The following RNF152 variants were observed in gnomAD, a reference collection of about 807,000 sequenced individuals.
RNF152 encodes the protein E3 ubiquitin-protein ligase RNF152.
In RNF152, 11 loss-of-function variants were observed where a neutral mutation model predicts 12.7. The ratio of observed to expected loss-of-function variants is 0.86; its 90% CI spans 0.54 to 1.43. The LOEUF is 1.43. Ranked by LOEUF, RNF152 falls within the 40% of genes most tolerant of loss-of-function variation. The pLI is 0.00. For missense variants in RNF152, 255 were observed against 274.8 expected (o/e 0.93, Z 0.51); for synonymous variants, 113 against 120.3 (o/e 0.94, Z 0.40).
At chr18:61,833,662 A>C (rs1910052914) in intron 1 of RNF152, among the ~76,000 whole-genome samples, 1 of 152,238 alleles carries the variant, frequency 6.6e-6, no homozygotes, top group African/African-American at 2.4e-5. Context: ...GCTGATGGGA[A>C]ACATTACAAG....
rs538885451 is a variant in RNF152, at chr18:61,821,749, C to G, written c.-135-5151G>C. Among the ~76,000 whole-genome samples, 5 of 152,318 alleles carry G rather than the reference C, an allele frequency of 3.3e-5. No homozygotes were observed. The East Asian group carries it at 9.6e-4, about 29-fold the overall frequency. On this transcript the variant is annotated intron_variant, in intron 1 of 1. Transcript: ENST00000312828. The stretch of plus-strand genomic sequence containing the variant: ...CAGACAATTACCGCCTGAGCTCCAC[C>G]TCCCGTCAGATCAGCGATGGCATTA...
rs905827872 is a variant in RNF152 at position 61,811,413 on chromosome 18, AT to A, written c.*4438del. 10 of 152,186 alleles carry A rather than the reference AT, an allele frequency of 6.6e-5. 1 individual carries two copies. Among genetic ancestry groups the A allele is most frequent in the Admixed American group, 6.5e-4 (10 of 15,276 alleles). 9.4% of individuals were successfully genotyped at this position (152,186 alleles called of 1,614,324 possible). ...CAAGTCTTTAAATTTCATGGGCAGT[AT>A]TTTTTACTGTTAAAAAAAGTGCTTT... On this transcript the variant is annotated 3_prime_UTR_variant, in exon 2 of 2. Transcript: ENST00000312828.
At chr18:61,861,000 T>A (rs1911451713) in intron 1 of RNF152, among the ~76,000 whole-genome samples, 1 of 152,232 alleles carries the variant, frequency 6.6e-6, no homozygotes, top group South Asian at 2.1e-4. Flanking sequence ...TTGTATAATA[T>A]TTGTGATTTA....
chr18:61,885,634 T>C (rs1028275992), intron 1 of RNF152, among the ~76,000 whole-genome samples: 32 of 152,260 alleles, frequency 2.1e-4, no homozygotes, highest in African/African-American at 7.7e-4. Context: ...TATTAATGTA[T>C]TTCTGGTCAT....
chr18:61,821,603 T>C (rs1247480050), intron 1 of RNF152, among the ~76,000 whole-genome samples: 2 of 152,226 alleles, frequency 1.3e-5, no homozygotes, highest in Admixed American at 1.3e-4. Flanking sequence ...AAGCGTGTTA[T>C]AATAAACACA....
chr18:61,816,299 G>A lies in RNF152; in HGVS notation c.165C>T (p.Arg55=), dbSNP rs555111341. The change falls in exon 2 of 2, where the codon CGC becomes CGT. Residue 55 remains arginine, a synonymous_variant. Coordinates refer to ENST00000312828, the MANE Select transcript of RNF152 (RefSeq NM_173557.3). ...SQKDVRCPWC[R]GVTKLPPGFS... ...AGCCGGGAGGCAGCTTGGTGACACC[G>A]CGGCACCAGGGGCACCGCACATCCT... 45 of 1,614,208 alleles carry A rather than the reference G, an allele frequency of 2.8e-5. 2 individuals carry two copies. Among genetic ancestry groups the A allele is most frequent in the South Asian group, 1.2e-4 (11 of 91,086 alleles).
rs886907987 is a variant in RNF152 at position 61,813,938 on chromosome 18, T to A, written c.*1914A>T. 1.3e-5 allele frequency: 2 copies of A among 152,212 alleles called. No individual in the cohort carries two copies. The highest frequency in any genetic ancestry group is 4.8e-5 in the African/African-American group (2 of 41,454). 9.4% of individuals were successfully genotyped at this position (152,212 alleles called of 1,614,324 possible). ...GATAGTATTCAGCTAATATGACACC[T>A]AAATTATTAATACCAAATAAATCCT... On this transcript the variant is annotated 3_prime_UTR_variant, in exon 2 of 2. Transcript: ENST00000312828.
At chr18:61,840,135 T>C (rs2144669400) in intron 1 of RNF152, among the ~76,000 whole-genome samples, 1 of 152,312 alleles carries the variant, frequency 6.6e-6, no homozygotes, top group African/African-American at 2.4e-5. Context: ...TATTTGCTCT[T>C]TCCCTCATGT....
chr18:61,885,869 G>A (rs1273648538), intron 1 of RNF152, among the ~76,000 whole-genome samples: 2 of 152,060 alleles, frequency 1.3e-5, no homozygotes, highest in Non-Finnish European at 2.9e-5. Context: ...CACAAATCCA[G>A]GCATCAATGC....
chr18:61,829,597 G>GGAGAGAGAGA (rs111850940), intron 1 of RNF152, among the ~76,000 whole-genome samples: 12 of 142,082 alleles, frequency 8.4e-5, no homozygotes, highest in South Asian at 2.3e-4. Flanking sequence ...AGAGAGATAA[G>GGAGAGAGAGA]GAGAGAGAGA....
At chr18:61,869,407 G>A (rs549019825) in intron 1 of RNF152, among the ~76,000 whole-genome samples, 47 of 152,246 alleles carry the variant, frequency 3.1e-4, no homozygotes, top group African/African-American at 1.1e-3. Context: ...TGGAGGTATT[G>A]TCTCCTGCAC....
Position 61,811,386 on chromosome 18 carries a change from T to C in RNF152, c.*4466A>G, listed in dbSNP as rs1912973328. The C allele has an allele frequency of 6.6e-6, 1 of 152,232 alleles. No homozygotes were observed. Among genetic ancestry groups the C allele is most frequent in the African/African-American group, 2.4e-5 (1 of 41,458 alleles). 9.4% of individuals were successfully genotyped at this position (152,232 alleles called of 1,614,324 possible). A position where few individuals can be genotyped will look rare whatever the true frequency, so the allele number is the denominator to read the frequency against. ...AGTAATTATTGTAGCTTTAGTAAAC[T>C]TCAAGTCTTTAAATTTCATGGGCAG... On this transcript the variant is annotated 3_prime_UTR_variant, in exon 2 of 2. Transcript: ENST00000312828.
rs1256801427 is a variant in RNF152 at position 61,815,751 on chromosome 18, C to T, written c.*101G>A. 5 of 1,374,344 alleles carry T rather than the reference C, an allele frequency of 3.6e-6. No individual in the cohort carries two copies. The Admixed American group carries it at 5.7e-5, about 16-fold the overall frequency. 85.1% of individuals were successfully genotyped at this position (1,374,344 alleles called of 1,614,324 possible). A position where few individuals can be genotyped will look rare whatever the true frequency, so the allele number is the denominator to read the frequency against. ...GCAACCCAGAGGCCAGCGCTCAGCA[C>T]CAAATGGTCAGTGTTGCCCCCCATC... is the stretch of plus-strand genomic sequence containing the variant. On this transcript the variant is annotated 3_prime_UTR_variant, in exon 2 of 2. Transcript: ENST00000312828.
chr18:61,849,734 G>C (rs1052602558), intron 1 of RNF152, among the ~76,000 whole-genome samples: 5 of 152,100 alleles, frequency 3.3e-5, no homozygotes, highest in Admixed American at 6.6e-5. Flanking sequence ...TTTTGGTTTG[G>C]CTTGGGTTTT....
intron 1 of RNF152, among the ~76,000 whole-genome samples, chr18:61,870,349 C>T (rs926991237): frequency 5.9e-5 from 9 of 152,200 alleles, no homozygotes; most frequent in African/African-American, 1.9e-4. Context: ...GCATGGAAAT[C>T]TTCATGTCTG....
chr18:61,831,924 G>A (rs1396239946), intron 1 of RNF152, among the ~76,000 whole-genome samples: 3 of 150,282 alleles, frequency 2.0e-5, no homozygotes, highest in East Asian at 1.9e-4. Flanking sequence ...TATGTGTGTG[G>A]GGGGGTGTGG....
intron 1 of RNF152, among the ~76,000 whole-genome samples, chr18:61,835,246 T>C (rs1260960921): frequency 2.6e-5 from 4 of 152,158 alleles, no homozygotes; most frequent in African/African-American, 9.7e-5. Context: ...TTATTTGCAA[T>C]AGGAAAAAAA....
At chr18:61,882,277 C>T (rs925145006) in intron 1 of RNF152, among the ~76,000 whole-genome samples, 3 of 152,220 alleles carry the variant, frequency 2.0e-5, no homozygotes, top group Admixed American at 1.3e-4. Context: ...TAATATTTAG[C>T]ACTGTGTGTG....
intron 1 of RNF152, among the ~76,000 whole-genome samples, chr18:61,843,582 A>G (rs572492147): frequency 6.6e-6 from 1 of 152,222 alleles, no homozygotes; most frequent in Non-Finnish European, 1.5e-5. Context: ...ATGGCAAAGC[A>G]AAATATGGTA....
Sources: allele counts gnomAD v4.1 joint callset (sites outside exome capture counted in the v4.1 genomes callset), GRCh38; gene constraint gnomAD v4.1.1; transcripts MANE v1.5; gene names NCBI Gene and HGNC (gene_info 2026-07-23, HGNC 2026-07-21).